The following WAC variants were observed in gnomAD, a reference collection of about 807,000 sequenced individuals.
WAC encodes WW domain-containing adapter protein with coiled-coil.
Under a neutral mutation model 79.6 loss-of-function variants are expected in WAC, and 11 were observed. The observed-to-expected ratio is 0.14, with a 90% confidence interval of 0.09 to 0.23. The LOEUF is 0.23. WAC is among the 10% of genes least tolerant of loss of function. The pLI is 1.00. For missense variants in WAC, 728 were observed against 773.5 expected, an observed-to-expected ratio of 0.94 and a Z score of 0.70; for synonymous variants, 304 against 276.9, an observed-to-expected ratio of 1.10 and a Z score of -0.97.
At chr10:28,554,085 C>G (rs1239820908) in intron 3 of WAC, among the ~76,000 whole-genome samples, 1 of 152,124 alleles carries the variant, frequency 6.6e-6, no homozygotes, top group Non-Finnish European at 1.5e-5. Flanking sequence ...TCAGGCTGGT[C>G]TCGAACTCCT....
chr10:28,577,892 C>T (rs1839327656), intron 3 of WAC, among the ~76,000 whole-genome samples: 2 of 152,198 alleles, frequency 1.3e-5, no homozygotes, highest in Non-Finnish European at 2.9e-5. Context: ...GGCATGGTGG[C>T]TCTTGCCTTC....
At chr10:28,571,154 T>C (rs911863488) in intron 3 of WAC, among the ~76,000 whole-genome samples, 1 of 151,868 alleles carries the variant, frequency 6.6e-6, no homozygotes, top group African/African-American at 2.4e-5. Context: ...GGTCTTGAAC[T>C]CCTGACCTCA....
rs78717256 is a variant in WAC, at chr10:28,612,915, A to G, written c.1437+993A>G. Reference sequence around the variant, plus strand: ...GTCTTCAGGGTGGCATTTTAAGAGTATAGTAAATAGTGGTTAAAAGTGAAA... The same window carrying G: ...GTCTTCAGGGTGGCATTTTAAGAGTGTAGTAAATAGTGGTTAAAAGTGAAA... On this transcript the variant is annotated intron_variant, in intron 10 of 13. Transcript: ENST00000354911. Among the ~76,000 whole-genome samples the G allele has an allele frequency of 1.4e-3, 217 of 152,306 alleles. 4 individuals carry two copies. The East Asian group carries it at 0.034, about 24-fold the overall frequency.
At chr10:28,544,606 A>C (rs929467338) in intron 3 of WAC, among the ~76,000 whole-genome samples, 1 of 152,160 alleles carries the variant, frequency 6.6e-6, no homozygotes, top group Non-Finnish European at 1.5e-5. Flanking sequence ...GCTACTTCTA[A>C]AGCTGCTGCT....
In WAC at chr10:28,533,553, C is replaced by G. The variant is rs746811783; in HGVS notation, c.-27C>G. On this transcript the variant is annotated 5_prime_UTR_variant, in exon 1 of 14. Transcript: ENST00000354911. ...TTTCGCGGCCGCTCTCCCCCCTCCCCGACACACACTCACAGGCCGGGCATT... is the reference window on the plus strand; with the variant it reads ...TTTCGCGGCCGCTCTCCCCCCTCCCGGACACACACTCACAGGCCGGGCATT... 1 of 1,462,710 alleles carries G rather than the reference C, an allele frequency of 6.8e-7. No homozygotes were observed. The highest frequency in any genetic ancestry group is 2.0e-5 in the Admixed American group (1 of 49,836). The allele number at this position is 1,462,710 out of a possible 1,614,324, so 90.6% of individuals were successfully genotyped here.
At chr10:28,541,280 C>T (rs1408273757) in intron 3 of WAC, among the ~76,000 whole-genome samples, 1 of 151,940 alleles carries the variant, frequency 6.6e-6, no homozygotes, top group Non-Finnish European at 1.5e-5. Flanking sequence ...GGTAGTGCAT[C>T]ATTTTGTTAT....
In WAC at chr10:28,577,479, T is replaced by G. The variant is rs370721562; in HGVS notation, c.275-5920T>G. Among the ~76,000 whole-genome samples the G allele has an allele frequency of 6.6e-5, 10 of 152,288 alleles. No individual in the cohort carries two copies. The East Asian group carries it at 1.5e-3, about 24-fold the overall frequency. On this transcript the variant is annotated intron_variant, in intron 3 of 13. Coordinates refer to ENST00000354911, the MANE Select transcript of WAC (RefSeq NM_016628.5). Reference sequence around the variant, plus strand: ...TCCCATAAGACTTTTTAATATGCAGTTTTGCAGAATTCAGTCTTTTCAAGG... The same window carrying G: ...TCCCATAAGACTTTTTAATATGCAGGTTTGCAGAATTCAGTCTTTTCAAGG...
At chr10:28,592,577 C>T (rs926988639) in intron 6 of WAC, among the ~76,000 whole-genome samples, 1 of 152,000 alleles carries the variant, frequency 6.6e-6, no homozygotes, top group Non-Finnish European at 1.5e-5. Context: ...CCTGAGATTG[C>T]ACCACTGTAC....
intron 3 of WAC, among the ~76,000 whole-genome samples, chr10:28,559,985 T>C (rs1838214209): frequency 6.6e-6 from 1 of 152,104 alleles, no homozygotes; most frequent in Non-Finnish European, 1.5e-5. Flanking sequence ...GTAATGACAA[T>C]AGATGTAATG....
intron 3 of WAC, among the ~76,000 whole-genome samples, chr10:28,571,825 CTCTAA>C (rs1348217292): frequency 1.6e-4 from 25 of 152,150 alleles, no homozygotes; most frequent in African/African-American, 6.0e-4. Flanking sequence ...GTTCTTGTAA[CTCTAA>C]TCAGTCAGCT....
intron 6 of WAC, chr10:28,591,338 CTA>C (rs1239277954): frequency 6.5e-6 from 1 of 152,802 alleles, no homozygotes; most frequent in African/African-American, 2.4e-5. Context: ...TGTAACATCT[CTA>C]GTTTGAATTT....
Position 28,555,744 on chromosome 10 carries a change from A to G in WAC, c.274+19987A>G, listed in dbSNP as rs1188361275. Among the ~76,000 whole-genome samples, 9 of 152,322 alleles carry G rather than the reference A, an allele frequency of 5.9e-5. No individual in the cohort carries two copies. In the East Asian group the frequency reaches 1.3e-3, roughly 23 times the overall value. Reference sequence around the variant, plus strand: ...GCCTTTGGCAAGTAATTAAGATTAGATAAGTCACCAGTGTAGGGCCCCCAT... The same window carrying G: ...GCCTTTGGCAAGTAATTAAGATTAGGTAAGTCACCAGTGTAGGGCCCCCAT... On this transcript the variant is annotated intron_variant, in intron 3 of 13. Coordinates refer to ENST00000354911, the MANE Select transcript of WAC (RefSeq NM_016628.5).
chr10:28,614,799 C>A (rs1841404211), intron 11 of WAC, 114 bp downstream of exon 11: 4 of 853,510 alleles, frequency 4.7e-6, no homozygotes, highest in East Asian at 5.2e-5. Flanking sequence ...CATGAATACC[C>A]TAAAGTAGGC....
chr10:28,596,097 A>G (rs1334131483), intron 7 of WAC, 56 bp downstream of exon 7: 5 of 1,511,918 alleles, frequency 3.3e-6, no homozygotes, highest in East Asian at 2.3e-5. Flanking sequence ...AGTTTCTTCT[A>G]AGTTTCTTAT....
intron 3 of WAC, among the ~76,000 whole-genome samples, chr10:28,545,852 A>G (rs982319150): frequency 4.6e-5 from 7 of 152,236 alleles, no homozygotes; most frequent in African/African-American, 1.4e-4. Context: ...TTTAGATAAT[A>G]CCTACTTAGG....
chr10:28,618,011 C>A, intron 13 of WAC: 1 of 334,288 alleles, frequency 3.0e-6, no homozygotes. Context: ...TCTCATAACT[C>A]CATAAGCTGC....
intron 3 of WAC, among the ~76,000 whole-genome samples, chr10:28,567,108 ATTC>A (rs1280372998): frequency 2.7e-5 from 4 of 150,780 alleles, no homozygotes; most frequent in African/African-American, 7.3e-5. Context: ...CAGTCATGTT[ATTC>A]TTTTGCTACT....
chr10:28,584,921 A>T (rs562041889), intron 4 of WAC, among the ~76,000 whole-genome samples: 3 of 152,258 alleles, frequency 2.0e-5, no homozygotes, highest in South Asian at 4.2e-4. Context: ...TACAAAAGTT[A>T]TCCTGGCATG....
At chr10:28,576,510 A>C (rs1000791812) in intron 3 of WAC, among the ~76,000 whole-genome samples, 3 of 152,214 alleles carry the variant, frequency 2.0e-5, no homozygotes, top group African/African-American at 7.2e-5. Flanking sequence ...CATTTTGATA[A>C]AAGTTCCAAA....
Sources: allele counts gnomAD v4.1 joint callset (sites outside exome capture counted in the v4.1 genomes callset), GRCh38; gene constraint gnomAD v4.1.1; transcripts MANE v1.5; gene names NCBI Gene and HGNC (gene_info 2026-07-23, HGNC 2026-07-21).